Variants in NKAIN3 observed in about 807,000 individuals in gnomAD.
NKAIN3 encodes sodium/potassium transporting ATPase interacting 3, also known as sodium/potassium-transporting ATPase subunit beta-1-interacting protein 3.
A neutral mutation model predicts 30.2 loss-of-function variants in NKAIN3; 25 were observed. The ratio of observed to expected loss-of-function variants is 0.83; its 90% CI spans 0.60 to 1.16. The LOEUF (loss-of-function observed/expected upper bound fraction) is 1.16, where lower values mean the gene tolerates loss of function less well. NKAIN3 is among the 50% of genes most tolerant of loss of function. NKAIN3 has a pLI of 0.00. For missense variants in NKAIN3, 225 were observed against 254.1 expected, an observed-to-expected ratio of 0.89 and a Z score of 0.78; for synonymous variants, 91 against 89.6, an observed-to-expected ratio of 1.02 and a Z score of -0.09.
intron 1 of NKAIN3, among the ~76,000 whole-genome samples, chr8:62,422,610 A>G (rs1250633978): frequency 6.6e-6 from 1 of 152,092 alleles, no homozygotes; most frequent in African/African-American, 2.4e-5. Flanking sequence ...AGACATTACT[A>G]ATCAATCATA....
chr8:62,703,857 AC>A (rs1814429647), intron 3 of NKAIN3, among the ~76,000 whole-genome samples: 1 of 152,196 alleles, frequency 6.6e-6, no homozygotes. Context: ...ACCCAGTATC[AC>A]TGGTAAGAAA....
At chr8:62,945,677 A>T (rs191106921) in intron 5 of NKAIN3, among the ~76,000 whole-genome samples, 60 of 152,294 alleles carry the variant, frequency 3.9e-4, no homozygotes, top group African/African-American at 1.3e-3. Context: ...ACCATTTAGG[A>T]GGTCTTACAT....
chr8:62,661,102 A>G (rs1040492767), intron 3 of NKAIN3, among the ~76,000 whole-genome samples: 4 of 152,220 alleles, frequency 2.6e-5, no homozygotes, highest in African/African-American at 9.6e-5. Flanking sequence ...CAATAGAGAA[A>G]CATACATTAT....
At chr8:62,347,221 C>A (rs1816032105) in intron 1 of NKAIN3, among the ~76,000 whole-genome samples, 2 of 152,092 alleles carry the variant, frequency 1.3e-5, no homozygotes, top group Non-Finnish European at 2.9e-5. Context: ...AATTACACTT[C>A]TATGAATGAA....
rs1823854756 is a variant in NKAIN3 at position 62,972,444 on chromosome 8, C to T, written c.*7037C>T. Among the ~76,000 whole-genome samples the T allele has an allele frequency of 1.3e-5, 2 of 151,946 alleles. No individual in the cohort carries two copies. The highest frequency in any genetic ancestry group is 2.4e-5 in the African/African-American group (1 of 41,374). On this transcript the variant is annotated 3_prime_UTR_variant, in exon 7 of 7. Transcript: ENST00000623646. Reference sequence around the variant, plus strand: ...TTGAGTATGTTGATACATCAAATGCCAGTCTTTTATCTTCCTAGTTTTTCA... The same window carrying T: ...TTGAGTATGTTGATACATCAAATGCTAGTCTTTTATCTTCCTAGTTTTTCA...
chr8:62,868,591 A>G (rs1409966812), intron 4 of NKAIN3, among the ~76,000 whole-genome samples: 1 of 152,246 alleles, frequency 6.6e-6, no homozygotes, highest in African/African-American at 2.4e-5. Flanking sequence ...TGTACTGAAT[A>G]GTCGGCCCTG....
intron 1 of NKAIN3, among the ~76,000 whole-genome samples, chr8:62,353,958 C>G (rs574095885): frequency 6.6e-6 from 1 of 152,160 alleles, no homozygotes; most frequent in Non-Finnish European, 1.5e-5. Flanking sequence ...TTAAAAGAAG[C>G]GAGTGTGCAT....
intron 1 of NKAIN3, among the ~76,000 whole-genome samples, chr8:62,511,934 G>A (rs988842537): frequency 4.6e-5 from 7 of 152,192 alleles, no homozygotes; most frequent in African/African-American, 1.2e-4. Context: ...AATTGTTTTT[G>A]TGATTGTTTG....
At chr8:62,705,328 G>C (rs1294539050) in intron 3 of NKAIN3, among the ~76,000 whole-genome samples, 3 of 152,092 alleles carry the variant, frequency 2.0e-5, no homozygotes, top group African/African-American at 7.2e-5. Flanking sequence ...GTTTAATGAG[G>C]AGAAGACCAA....
At chr8:62,465,502 G>A (rs187431775) in intron 1 of NKAIN3, among the ~76,000 whole-genome samples, 2 of 152,226 alleles carry the variant, frequency 1.3e-5, no homozygotes, top group East Asian at 3.9e-4. Flanking sequence ...TTTAGCTGTG[G>A]CCAGGACTGT....
chr8:62,457,772 G>A (rs974798969), intron 1 of NKAIN3, among the ~76,000 whole-genome samples: 6 of 152,058 alleles, frequency 3.9e-5, no homozygotes, highest in Admixed American at 2.6e-4. Flanking sequence ...AGGCATAGGT[G>A]GATAATAAAA....
chr8:62,800,831 G>A (rs1436700556), intron 4 of NKAIN3, among the ~76,000 whole-genome samples: 5 of 152,236 alleles, frequency 3.3e-5, no homozygotes, highest in Non-Finnish European at 7.3e-5. Flanking sequence ...CACTCGGGAA[G>A]TGCAAGGGGT....
intron 1 of NKAIN3, among the ~76,000 whole-genome samples, chr8:62,488,089 T>C (rs998848058): frequency 1.3e-5 from 2 of 152,220 alleles, no homozygotes; most frequent in African/African-American, 4.8e-5. Context: ...ATCTTTAAAC[T>C]GAAGTTTTAT....
intron 1 of NKAIN3, among the ~76,000 whole-genome samples, chr8:62,467,533 T>C (rs1298145013): frequency 2.6e-5 from 4 of 152,180 alleles, no homozygotes; most frequent in Non-Finnish European, 5.9e-5. Context: ...ATGTAAGCTA[T>C]AACAAAGCAT....
intron 1 of NKAIN3, among the ~76,000 whole-genome samples, chr8:62,513,405 G>A (rs1328001232): frequency 6.6e-6 from 1 of 151,782 alleles, no homozygotes; most frequent in Non-Finnish European, 1.5e-5. Flanking sequence ...ACAAAAACAT[G>A]GTCATAAATA....
chr8:62,387,663 T>C (rs1201851249), intron 1 of NKAIN3, among the ~76,000 whole-genome samples: 1 of 152,188 alleles, frequency 6.6e-6, no homozygotes, highest in Non-Finnish European at 1.5e-5. Context: ...TGTGATAACA[T>C]TCCCCCAAGT....
intron 4 of NKAIN3, among the ~76,000 whole-genome samples, chr8:62,903,582 T>A (rs1821676425): frequency 6.6e-6 from 1 of 152,058 alleles, no homozygotes; most frequent in African/African-American, 2.4e-5. Context: ...CATGGGGAGA[T>A]GAAACTGTCC....
At chr8:62,833,872 A>G (rs979414459) in intron 4 of NKAIN3, among the ~76,000 whole-genome samples, 1 of 152,108 alleles carries the variant, frequency 6.6e-6, no homozygotes, top group Non-Finnish European at 1.5e-5. Flanking sequence ...GACACCACGA[A>G]AAAAGAAAAC....
chr8:62,476,570 C>G lies in NKAIN3; in HGVS notation c.55-102969C>G, dbSNP rs537496339. 1.2e-3 allele frequency among the ~76,000 whole-genome samples: 180 copies of G among 152,110 alleles called. 1 individual carries two copies. Among genetic ancestry groups the G allele is most frequent in the African/African-American group, 4.3e-3 (177 of 41,492 alleles). ...CTCCTAGGTTCAAGCGATTCTCTTG[C>G]CTCAGCCTCCTGAGTAGCTGGGACT... is the stretch of plus-strand genomic sequence containing the variant. On this transcript the variant is annotated intron_variant, in intron 1 of 6. Coordinates refer to ENST00000623646, the MANE Select transcript of NKAIN3 (RefSeq NM_001304533.3).
Sources: gnomAD v4.1 joint callset for allele counts (sites outside exome capture counted in the v4.1 genomes callset) on GRCh38, gnomAD v4.1.1 for gene constraint, MANE v1.5 for transcripts, NCBI Gene and HGNC (gene_info 2026-07-23, HGNC 2026-07-21) for gene names.